The following POLG variants were observed in gnomAD, a reference collection of about 807,000 sequenced individuals.
POLG encodes the protein DNA polymerase subunit gamma-1.
Under a neutral mutation model 155.4 loss-of-function variants are expected in POLG, and 110 were observed. The ratio of observed to expected loss-of-function variants is 0.71; its 90% CI spans 0.61 to 0.83. POLG has a LOEUF of 0.83. Among genes scored for constraint, POLG ranks in the 40% least tolerant of loss-of-function variants. The pLI is 0.00. For synonymous variants in POLG, 701 were observed against 631.5 expected, an observed-to-expected ratio of 1.11 and a Z score of -1.65; for missense variants, 1,685 against 1,627.5, an observed-to-expected ratio of 1.04 and a Z score of -0.61.
At position 89,320,959 on chromosome 15, in the gene POLG, C is replaced by T. The variant is rs2055386406; in HGVS notation, c.2788G>A (p.Asp930Asn). The T allele has an allele frequency of 6.2e-7, 1 of 1,613,506 alleles. No homozygotes were observed. Among genetic ancestry groups the T allele is most frequent in the African/African-American group, 1.3e-5 (1 of 74,898 alleles). Residue 930 changes from aspartate to asparagine, a missense_variant, in exon 18 of 23, where the codon GAT (aspartate) becomes AAT (asparagine). Asp to Asn is a conservative substitution (Grantham distance 23). Around this residue, in one of 3 missense-constraint regions of POLG, gnomAD observed 470 missense variants for 439.9 expected, o/e 1.07. Coordinates refer to ENST00000268124, the MANE Select transcript of POLG (RefSeq NM_002693.3). ...GTAGTGGCTGTCTTACTGTGTAGAT[C>T]AGTGCCCCTGCTCTTCCTGCCCTGC... The part of the protein sequence containing the change: ...TLQGRKSRGT[D>N]LHSKTATTVG...
rs2055414347 is a variant in POLG at position 89,322,736 on chromosome 15, G to A, written c.2426+6C>T. 1 of 1,613,578 alleles carries A rather than the reference G, an allele frequency of 6.2e-7. No homozygotes were observed. Among genetic ancestry groups the A allele is most frequent in the Non-Finnish European group, 8.5e-7 (1 of 1,179,760 alleles). On this transcript the variant is annotated splice_donor_region_variant and intron_variant, in intron 14 of 22. Transcript: ENST00000268124. ...GCATCCCAGGACTCCTCCCATGGTG[G>A]CCCACCTGATACGTTTATGGGCGTT...
chr15:89,323,207 C>T (rs1261963898), intron 13 of POLG, among the ~76,000 whole-genome samples, 197 bp downstream of exon 13: 1 of 152,256 alleles, frequency 6.6e-6, no homozygotes, highest in East Asian at 1.9e-4. Context: ...AATTCCACCA[C>T]CATGCCCCTT....
rs1060504039 is a variant in POLG, at chr15:89,317,488, G to C, written c.3531C>G (p.Val1177=). The C allele has an allele frequency of 6.2e-7, 1 of 1,613,856 alleles. No homozygotes were observed. The highest frequency in any genetic ancestry group is 1.3e-5 in the African/African-American group (1 of 74,872). Residue 1177 remains valine (V), a synonymous_variant, in exon 22 of 23, where the codon GTC becomes GTG. Transcript: ENST00000268124. The part of the protein sequence containing the change: ...KLGLNDLPQS[V]AFFSAVDIDR... Reference sequence around the variant, plus strand: ...CAATATCGACTGCACTGAAAAAGGCGACTGACTGGGGCAAGTCATTCAGAC... The same window carrying C: ...CAATATCGACTGCACTGAAAAAGGCCACTGACTGGGGCAAGTCATTCAGAC...
rs1034307799 is a variant in POLG, at chr15:89,318,816, G to GC, written c.3274-68dup. 10 of 1,554,946 alleles carry GC rather than the reference G, an allele frequency of 6.4e-6. No homozygotes were observed. In the African/African-American group the frequency reaches 1.4e-4, roughly 21 times the overall value. Reference sequence around the variant, plus strand: ...CATACCAATTAACTCCAGGGTAGAAGCCCCAAGAGAAGCTTCACTCTGGCC... The same window carrying GC: ...CATACCAATTAACTCCAGGGTAGAAGCCCCCAAGAGAAGCTTCACTCTGGCC... On this transcript the variant is annotated intron_variant, in intron 20 of 22. Transcript: ENST00000268124.
At position 89,326,999 on chromosome 15, in the gene POLG, C is replaced by T. The variant is rs745506700; in HGVS notation, c.1498G>A (p.Ala500Thr). 2.8e-5 allele frequency: 46 copies of T among 1,614,112 alleles called. No individual in the cohort carries two copies. Among genetic ancestry groups the T allele is most frequent in the Non-Finnish European group, 3.6e-5 (43 of 1,180,048 alleles). ...GCTGGTTCCTTCTTCACCTTCTTAG[C>T]TTTCTTCTGCTTAAATTCTTGCAGG... ...WDLQEFKQKK[A>T]KKVKKEPATA... Residue 500 changes from alanine to threonine, a missense_variant, in exon 8 of 23, where the codon GCT (alanine) becomes ACT (threonine). By Grantham distance (58) the Ala-to-Thr change is moderately conservative. Around this residue, in one of 3 missense-constraint regions of POLG, gnomAD observed 1,210 missense variants for 1,167.1 expected, o/e 1.04. Transcript: ENST00000268124.
In POLG at chr15:89,318,630, G is replaced by A; in HGVS notation, c.3393C>T (p.Ile1131=). 1 of 1,614,224 alleles carries A rather than the reference G, an allele frequency of 6.2e-7. No individual in the cohort carries two copies. The highest frequency in any genetic ancestry group is 8.5e-7 in the Non-Finnish European group (1 of 1,180,010). ...EEFAIDGRFC[I]SIHDEVRYLV... is the part of the protein sequence containing the mutation. The stretch of plus-strand genomic sequence containing the variant: ...GGTAGCGAACCTCGTCATGGATGCT[G>A]ATGCAGAAGCGCCCATCTATGGCAA... Residue 1131 remains isoleucine (I), a synonymous_variant, in exon 21 of 23, where the codon ATC becomes ATT. Transcript: ENST00000268124.
chr15:89,326,072 G>A (rs917970619), intron 9 of POLG, among the ~76,000 whole-genome samples: 3 of 152,194 alleles, frequency 2.0e-5, no homozygotes, highest in Non-Finnish European at 4.4e-5. Context: ...CTTGCAGGCT[G>A]TTCACCAGAG....
intron 4 of POLG, 53 bp from the exon 5 acceptor site, chr15:89,328,884 G>A (rs2055558075): frequency 1.1e-5 from 17 of 1,613,762 alleles, no homozygotes; most frequent in South Asian, 7.7e-5. Flanking sequence ...CGGGCCAGAC[G>A]GGCTGGTGAG....
In POLG at chr15:89,317,859, T is replaced by C. The variant is rs994436734; in HGVS notation, c.3483-323A>G. ...AAGCATAAATGAGGACTTTTAGCTT[T>C]GTTAAGCATAACCTCCCGGAGATGA... is the stretch of plus-strand genomic sequence containing the variant. On this transcript the variant is annotated intron_variant, in intron 21 of 22. Coordinates refer to ENST00000268124, the MANE Select transcript of POLG (RefSeq NM_002693.3). The C allele has an allele frequency of 3.0e-5, 12 of 396,412 alleles. No individual in the cohort carries two copies. The Middle Eastern group carries it at 1.0e-3, about 35-fold the overall frequency. The allele number at this position is 396,412 out of a possible 1,614,324, so 24.6% of individuals were successfully genotyped here. A position where few individuals can be genotyped will look rare whatever the true frequency, so the allele number is the denominator to read the frequency against.
At chr15:89,325,136 G>T (rs1441946528) in intron 10 of POLG, among the ~76,000 whole-genome samples, 2 of 67,696 alleles carry the variant, frequency 3.0e-5, no homozygotes, top group Non-Finnish European at 6.0e-5. Flanking sequence ...GTGAGAGAGT[G>T]AGTGAGAGAG....
intron 21 of POLG, among the ~76,000 whole-genome samples, 200 bp downstream of exon 21, chr15:89,318,341 A>G (rs1047504540): frequency 4.7e-5 from 7 of 149,310 alleles, no homozygotes; most frequent in East Asian, 1.9e-4. Context: ...TTCAAACCCA[A>G]TAACTCTTTT....
intron 6 of POLG, among the ~76,000 whole-genome samples, chr15:89,328,213 C>T (rs2055548196): frequency 6.6e-6 from 1 of 152,178 alleles, no homozygotes; most frequent in African/African-American, 2.4e-5. Flanking sequence ...AGAAGGTGCA[C>T]AGTAAACCAG....
rs778573169 is a variant in POLG, at chr15:89,319,225, T to C, written c.3104+3A>G. 3.1e-6 allele frequency: 5 copies of C among 1,614,058 alleles called. No individual in the cohort carries two copies. Among genetic ancestry groups the C allele is most frequent in the African/African-American group, 1.3e-5 (1 of 74,922 alleles). ...CCATCCTTAACACAAAGAAGGTTCT[T>C]ACTTCCTTGCAGTTTCTCTCTGGAC... On this transcript the variant is annotated splice_donor_region_variant and intron_variant, in intron 19 of 22. Coordinates refer to ENST00000268124, the MANE Select transcript of POLG (RefSeq NM_002693.3).
rs748490475 is a variant in POLG at position 89,316,349 on chromosome 15, C to T, written c.*402G>A. The stretch of plus-strand genomic sequence containing the variant: ...TTTTCCTTCTTTTTATTTCCACTGC[C>T]TTGGAGCAGGTTTATCACGTTAGAG... On this transcript the variant is annotated 3_prime_UTR_variant, in exon 23 of 23. Coordinates refer to ENST00000268124, the MANE Select transcript of POLG (RefSeq NM_002693.3). 1.0e-5 allele frequency: 16 copies of T among 1,564,480 alleles called. No homozygotes were observed. The highest frequency in any genetic ancestry group is 1.8e-5 in the Admixed American group (1 of 56,710).
In POLG at chr15:89,321,969, C is replaced by T. The variant is rs1344797678; in HGVS notation, c.2473G>A (p.Val825Met). ...CCACTCAGCAGACCATACCTGATCA[C>T]AGCACGGGGCAGAGCTGACCTGGGC... ...WLPRSALPRA[V>M]IRHPDYDEEG... The change falls in exon 15 of 23, where the codon GTG (valine) becomes ATG (methionine). Residue 825 changes from valine (V) to methionine (M), a missense_variant. This residue lies in a region of POLG where 1,210 missense variants were observed against 1,167.1 expected (regional missense o/e 1.04). Coordinates refer to ENST00000268124, the MANE Select transcript of POLG (RefSeq NM_002693.3). 2 of 1,614,144 alleles carry T rather than the reference C, an allele frequency of 1.2e-6. No individual in the cohort carries two copies. The highest frequency in any genetic ancestry group is 8.5e-7 in the Non-Finnish European group (1 of 1,179,986).
intron 2 of POLG, among the ~76,000 whole-genome samples, chr15:89,332,604 G>A: frequency 6.9e-6 from 1 of 145,240 alleles, no homozygotes; most frequent in East Asian, 2.1e-4. Flanking sequence ...GCCGGCGGGG[G>A]CAGGGGGGCG....
In POLG at chr15:89,316,387, C is replaced by G. The variant is rs1308242761; in HGVS notation, c.*364G>C. 2.5e-6 allele frequency: 4 copies of G among 1,607,566 alleles called. No homozygotes were observed. The African/African-American group carries it at 5.4e-5, about 22-fold the overall frequency. ...TATCACGTTAGAGCATTAATTCTTTCCCCTTCTAGGGCACTGCATCAGAGC... is the reference window on the plus strand; with the variant it reads ...TATCACGTTAGAGCATTAATTCTTTGCCCTTCTAGGGCACTGCATCAGAGC... On this transcript the variant is annotated 3_prime_UTR_variant, in exon 23 of 23. Coordinates refer to ENST00000268124, the MANE Select transcript of POLG (RefSeq NM_002693.3).
chr15:89,326,650 G>C lies in POLG; in HGVS notation c.1674C>G (p.Leu558=), dbSNP rs552085869. The C allele has an allele frequency of 5.4e-5, 87 of 1,614,108 alleles. 1 individual carries two copies. The South Asian group carries it at 9.2e-4, about 17-fold the overall frequency. The change falls in exon 9 of 23, where the codon CTC becomes CTG. Residue 558 remains leucine, a synonymous_variant. Transcript: ENST00000268124. ...CLQKLKGTTE[L]LPKRPQHLPG... is the part of the protein sequence containing the mutation. Reference sequence around the variant, plus strand: ...GAAGGTGCTGGGGCCGCTTGGGCAGGAGCTCTGTGGTCCCCTTCAGCTTCT... The same window carrying C: ...GAAGGTGCTGGGGCCGCTTGGGCAGCAGCTCTGTGGTCCCCTTCAGCTTCT...
intron 7 of POLG, 48 bp from the exon 8 acceptor site, chr15:89,327,111 A>G: frequency 6.2e-7 from 1 of 1,613,922 alleles, no homozygotes; most frequent in Non-Finnish European, 8.5e-7. Context: ...GCCGAAGGCT[A>G]GGCCGCCCAC....
Sources: allele counts gnomAD v4.1 joint callset (sites outside exome capture counted in the v4.1 genomes callset), GRCh38; gene constraint gnomAD v4.1.1; regional missense constraint gnomAD v4.1.1; transcripts MANE v1.5; gene names NCBI Gene and HGNC (gene_info 2026-07-23, HGNC 2026-07-21).